ARHGAP19: variants seen among roughly 807,000 people sequenced by gnomAD.
ARHGAP19 encodes the protein rho GTPase-activating protein 19.
Under a neutral mutation model 60.9 loss-of-function variants are expected in ARHGAP19, and 48 were observed. The ratio of observed to expected loss-of-function variants is 0.79; its 90% CI spans 0.62 to 1.00. The LOEUF (loss-of-function observed/expected upper bound fraction) is 1.00, where lower values mean the gene tolerates loss of function less well. ARHGAP19 is among the 50% of genes least tolerant of loss of function. The pLI, the probability that ARHGAP19 is intolerant of heterozygous loss-of-function variation, is 0.00. For synonymous variants in ARHGAP19, 209 were observed against 215.5 expected, an observed-to-expected ratio of 0.97 and a Z score of 0.27; for missense variants, 562 against 597.2, an observed-to-expected ratio of 0.94 and a Z score of 0.61.
At chr10:97,238,256 A>G (rs578232938) in intron 8 of ARHGAP19, among the ~76,000 whole-genome samples, 36 of 152,158 alleles carry the variant, frequency 2.4e-4, no homozygotes, top group Non-Finnish European at 5.0e-4. Flanking sequence ...CCCAGGCTGG[A>G]GTGCAGTGGT....
At chr10:97,247,966 C>CTTTTT (rs377506718) in intron 6 of ARHGAP19, among the ~76,000 whole-genome samples, 1 of 135,076 alleles carries the variant, frequency 7.4e-6, no homozygotes, top group South Asian at 2.2e-4. Flanking sequence ...GTGGTTTTGA[C>CTTTTT]TTTTTTTTTT....
At chr10:97,245,664 C>T (rs1842553688) in intron 7 of ARHGAP19, among the ~76,000 whole-genome samples, 1 of 151,492 alleles carries the variant, frequency 6.6e-6, no homozygotes, top group South Asian at 2.1e-4. Context: ...ATACATTTCC[C>T]TATCTATCTA....
chr10:97,266,611 G>A (rs1436142591), intron 1 of ARHGAP19, among the ~76,000 whole-genome samples: 1 of 152,090 alleles, frequency 6.6e-6, no homozygotes, highest in Admixed American at 6.6e-5. Context: ...ATACTGCTGT[G>A]AAGAAATACC....
Position 97,292,435 on chromosome 10 carries a change from G to C in ARHGAP19, c.56+137C>G, listed in dbSNP as rs948401546. ...GCCCGACCCCCGCGCCTCAGCCCCC[G>C]CAGGCGCGACGATGAGAAACGCCGT... is the stretch of plus-strand genomic sequence containing the variant. On this transcript the variant is annotated intron_variant, in intron 1 of 11. Coordinates refer to ENST00000358531, the MANE Select transcript of ARHGAP19 (RefSeq NM_032900.6). 6.9e-6 allele frequency: 8 copies of C among 1,155,340 alleles called. 1 individual carries two copies. Among genetic ancestry groups the C allele is most frequent in the Non-Finnish European group, 1.0e-5 (8 of 790,996 alleles). The allele number at this position is 1,155,340 out of a possible 1,614,324, so 71.6% of individuals were successfully genotyped here.
chr10:97,231,434 T>C (rs1851014919), intron 9 of ARHGAP19, among the ~76,000 whole-genome samples: 1 of 152,164 alleles, frequency 6.6e-6, no homozygotes, highest in Non-Finnish European at 1.5e-5. Flanking sequence ...CAAACAGAAA[T>C]ACTGTACCCA....
intron 6 of ARHGAP19, among the ~76,000 whole-genome samples, chr10:97,250,533 A>G (rs11189067): frequency 0.043 from 6,543 of 151,510 alleles, 208 homozygotes; most frequent in Non-Finnish European, 0.061. Flanking sequence ...ACAGGCGCCC[A>G]CCACCACGCC....
At chr10:97,284,855 CTTTTTTTTTTTTT>C (rs768979699) in intron 1 of ARHGAP19, among the ~76,000 whole-genome samples, 6 of 124,152 alleles carry the variant, frequency 4.8e-5, no homozygotes, top group African/African-American at 1.9e-4. Flanking sequence ...AAAGCATATA[CTTTTTTTTTTTTT>C]TTTTTTTTCC....
At chr10:97,256,488 T>A (rs1377006203) in intron 5 of ARHGAP19, 84 bp from the exon 6 acceptor site, 3 of 1,021,298 alleles carry the variant, frequency 2.9e-6, no homozygotes, top group Non-Finnish European at 3.0e-6. Flanking sequence ...TTCAAATGTA[T>A]GAAGTTTCTA....
At chr10:97,237,993 AT>A (rs955497488) in intron 8 of ARHGAP19, among the ~76,000 whole-genome samples, 58 of 151,450 alleles carry the variant, frequency 3.8e-4, no homozygotes, top group African/African-American at 1.2e-3. Context: ...ACTCCTACTT[AT>A]TTTTTTTTAA....
intron 8 of ARHGAP19, among the ~76,000 whole-genome samples, chr10:97,243,071 G>A (rs751011267): frequency 1.7e-4 from 26 of 152,182 alleles, no homozygotes; most frequent in Non-Finnish European, 3.7e-4. Context: ...CCAACACCCT[G>A]TAAAATTCCA....
intron 4 of ARHGAP19, 89 bp downstream of exon 4, chr10:97,263,331 C>T: frequency 7.6e-7 from 1 of 1,322,308 alleles, no homozygotes; most frequent in East Asian, 2.4e-5. Context: ...AGAAGTATTT[C>T]TGTGGGTCAC....
chr10:97,257,472 T>C (rs1382990730), intron 5 of ARHGAP19, among the ~76,000 whole-genome samples: 2 of 151,922 alleles, frequency 1.3e-5, no homozygotes, highest in African/African-American at 4.8e-5. Flanking sequence ...TTTCCTTTTG[T>C]AGAGACAAGG....
intron 5 of ARHGAP19, chr10:97,258,700 T>C (rs1205695275): frequency 2.0e-5 from 3 of 152,734 alleles, no homozygotes; most frequent in African/African-American, 4.8e-5. Flanking sequence ...TAGATGAGGC[T>C]ACAGTGAGTA....
intron 1 of ARHGAP19, among the ~76,000 whole-genome samples, chr10:97,290,989 C>A (rs978666301): frequency 6.6e-6 from 1 of 152,066 alleles, no homozygotes; most frequent in Non-Finnish European, 1.5e-5. Flanking sequence ...AATCCCTGAG[C>A]CTAGCTGGGA....
chr10:97,233,313 T>C (rs968741418), intron 9 of ARHGAP19, among the ~76,000 whole-genome samples: 27 of 151,776 alleles, frequency 1.8e-4, no homozygotes, highest in South Asian at 2.1e-4. Context: ...ATGGTGCCAC[T>C]TGTACTTCAG....
chr10:97,255,166 T>A (rs764445761), intron 6 of ARHGAP19, among the ~76,000 whole-genome samples: 1 of 152,206 alleles, frequency 6.6e-6, no homozygotes, highest in South Asian at 2.1e-4. Flanking sequence ...ACAACGTGAA[T>A]GTACTTAATG....
intron 8 of ARHGAP19, among the ~76,000 whole-genome samples, chr10:97,239,816 T>C (rs1842450413): frequency 6.6e-6 from 1 of 151,836 alleles, no homozygotes; most frequent in Non-Finnish European, 1.5e-5. Context: ...CAAGTGATTC[T>C]CCTGCCTCAG....
At chr10:97,247,700 G>A (rs984411036) in intron 6 of ARHGAP19, among the ~76,000 whole-genome samples, 2 of 149,820 alleles carry the variant, frequency 1.3e-5, no homozygotes, top group Non-Finnish European at 3.0e-5. Context: ...AGGAAAGGAA[G>A]GGAGGGAGAG....
Position 97,244,060 on chromosome 10 carries a change from T to C in ARHGAP19, c.1093A>G (p.Thr365Ala), listed in dbSNP as rs1842527679. The change falls in exon 8 of 12, where the codon ACC becomes GCC. Residue 365 changes from threonine (T) to alanine (A), a missense_variant. Physicochemically the swap from Thr to Ala is moderately conservative, Grantham distance 58 (BLOSUM62 0). Transcript: ENST00000358531. The part of the protein sequence containing the change: ...RVDSCPHQEE[T>A]QHHTEEALRE... ...AGTGCCTCTTCCGTATGGTGCTGGG[T>C]CTCCTCCTGGTGAGGGCAGGAATCT... 4 of 1,614,060 alleles carry C rather than the reference T, an allele frequency of 2.5e-6. No homozygotes were observed. Among genetic ancestry groups the C allele is most frequent in the Middle Eastern group, 1.6e-4 (1 of 6,062 alleles).
Sources: allele counts gnomAD v4.1 joint callset (sites outside exome capture counted in the v4.1 genomes callset), GRCh38; gene constraint gnomAD v4.1.1; transcripts MANE v1.5; gene names NCBI Gene and HGNC (gene_info 2026-07-23, HGNC 2026-07-21).